Variants in TSC22D1 observed in about 807,000 individuals in gnomAD.
TSC22D1 encodes TSC22 domain family member 1.
Under a neutral mutation model 74.2 loss-of-function variants are expected in TSC22D1, and 9 were observed. That is an observed-to-expected ratio of 0.12 (90% CI 0.07 to 0.21). The LOEUF is 0.21. Ranked by LOEUF, TSC22D1 falls within the 10% of genes least tolerant of loss-of-function variation. The probability of loss-of-function intolerance (pLI) is 1.00; values close to 1 mark genes in which losing one functional copy is unlikely to be tolerated. For synonymous variants in TSC22D1, 586 were observed against 492.5 expected (o/e 1.19, Z -2.51); for missense variants, 1,427 against 1,304.7 (o/e 1.09, Z -1.44).
chr13:44,555,118 TAA>T (rs58167299), intron 1 of TSC22D1, among the ~76,000 whole-genome samples: 18 of 138,660 alleles, frequency 1.3e-4, no homozygotes, highest in Admixed American at 2.8e-4. Flanking sequence ...ACCTCTAAAT[TAA>T]AAAAAAAAAA....
At chr13:44,571,910 C>A (rs1883792705) in intron 1 of TSC22D1, among the ~76,000 whole-genome samples, 1 of 152,070 alleles carries the variant, frequency 6.6e-6, no homozygotes, top group Non-Finnish European at 1.5e-5. Flanking sequence ...CTAAATAACA[C>A]AAACCTCACT....
At chr13:44,473,218 G>A (rs772481028) in intron 1 of TSC22D1, among the ~76,000 whole-genome samples, 6 of 152,210 alleles carry the variant, frequency 3.9e-5, no homozygotes, top group Non-Finnish European at 8.8e-5. Flanking sequence ...CTGGAGGCCA[G>A]GCACAACGGC....
At chr13:44,548,251 G>C (rs1299649213) in intron 1 of TSC22D1, among the ~76,000 whole-genome samples, 5 of 152,112 alleles carry the variant, frequency 3.3e-5, no homozygotes, top group Non-Finnish European at 5.9e-5. Context: ...GCGCGGTGGC[G>C]CATGCCTGTA....
intron 1 of TSC22D1, among the ~76,000 whole-genome samples, chr13:44,557,124 C>T (rs1007532073): frequency 2.8e-5 from 4 of 141,014 alleles, no homozygotes; most frequent in Middle Eastern, 4.0e-3. Flanking sequence ...GCCTGGGCAA[C>T]AAGGTAGAAA....
chr13:44,465,854 C>T (rs1595098064), intron 1 of TSC22D1, among the ~76,000 whole-genome samples: 1 of 152,034 alleles, frequency 6.6e-6, no homozygotes, highest in Non-Finnish European at 1.5e-5. Context: ...GCACCTGTAA[C>T]CCCAGCCACT....
intron 2 of TSC22D1, 40 bp from the exon 3 acceptor site, chr13:44,434,923 A>G (rs368817336): frequency 6.5e-7 from 1 of 1,537,332 alleles, no homozygotes; most frequent in African/African-American, 1.4e-5. Flanking sequence ...ATTATTTGGT[A>G]TTTTCTGGAC....
chr13:44,495,828 C>T (rs1245905892), intron 1 of TSC22D1, among the ~76,000 whole-genome samples: 1 of 152,120 alleles, frequency 6.6e-6, no homozygotes, highest in Non-Finnish European at 1.5e-5. Context: ...AGTTGGACAC[C>T]TTAACATATA....
At chr13:44,436,448 A>T (rs1874637957) in intron 1 of TSC22D1, 8 of 1,580,728 alleles carry the variant, frequency 5.1e-6, no homozygotes, top group Non-Finnish European at 1.7e-6. Flanking sequence ...TTTCACCTGT[A>T]TTATTATAAG....
At chr13:44,470,720 A>C (rs2137906320) in intron 1 of TSC22D1, among the ~76,000 whole-genome samples, 1 of 152,278 alleles carries the variant, frequency 6.6e-6, no homozygotes, top group Middle Eastern at 3.4e-3. Flanking sequence ...TTGCTATTTA[A>C]TTTTGCAGGA....
intron 1 of TSC22D1, among the ~76,000 whole-genome samples, chr13:44,516,083 T>C (rs1056313993): frequency 7.9e-5 from 12 of 152,198 alleles, no homozygotes; most frequent in Admixed American, 6.5e-4. Flanking sequence ...TGGGGTTGAT[T>C]TTAATAAAAA....
At chr13:44,473,682 T>C (rs1336423792) in intron 1 of TSC22D1, among the ~76,000 whole-genome samples, 2 of 152,108 alleles carry the variant, frequency 1.3e-5, no homozygotes, top group Admixed American at 1.3e-4. Context: ...GCCAGCTTTA[T>C]TAAGCATTCA....
intron 1 of TSC22D1, among the ~76,000 whole-genome samples, chr13:44,548,285 G>A (rs1881962047): frequency 1.3e-5 from 2 of 152,228 alleles, no homozygotes; most frequent in African/African-American, 2.4e-5. Flanking sequence ...GGGAGGCTGA[G>A]GCAGGCCGAT....
chr13:44,496,238 T>C (rs556988447), intron 1 of TSC22D1, among the ~76,000 whole-genome samples: 1 of 152,126 alleles, frequency 6.6e-6, no homozygotes. Flanking sequence ...TCACTAGCCA[T>C]TAGGGAAATG....
rs955816484 is a variant in TSC22D1, at chr13:44,574,189, T to C, written c.1886A>G (p.Tyr629Cys). Reference protein sequence around the residue: ...PGAPPPQQLQYGQQQPMVSTQ... With the variant: ...PGAPPPQQLQCGQQQPMVSTQ... Reference sequence around the variant, plus strand: ...AGAAACCATTGGTTGCTGTTGTCCATACTGTAACTGTTGGGGTGGTGGTGC... The same window carrying C: ...AGAAACCATTGGTTGCTGTTGTCCACACTGTAACTGTTGGGGTGGTGGTGC... The change falls in exon 1 of 3, where the codon TAT becomes TGT. Residue 629 changes from tyrosine to cysteine, a missense_variant. Physicochemically the swap from Tyr to Cys is radical, Grantham distance 194 (BLOSUM62 -2). Coordinates refer to ENST00000458659, the MANE Select transcript of TSC22D1 (RefSeq NM_183422.4). The C allele has an allele frequency of 2.5e-5, 41 of 1,614,038 alleles. No homozygotes were observed. The highest frequency in any genetic ancestry group is 4.0e-5 in the African/African-American group (3 of 74,908).
rs979179103 is a variant in TSC22D1, at chr13:44,482,472, G to A, written c.2913-46377C>T. Among the ~76,000 whole-genome samples, 21 of 152,182 alleles carry A rather than the reference G, an allele frequency of 1.4e-4. 1 individual carries two copies. The highest frequency in any genetic ancestry group is 1.4e-3 in the Admixed American group (21 of 15,286). ...GAGGATCGCTTGAACCTGGGAGGCA[G>A]GGGCTGCAGTGAGCCGAGATCACGC... On this transcript the variant is annotated intron_variant, in intron 1 of 2. Transcript: ENST00000458659.
chr13:44,434,170 T>C lies in TSC22D1; in HGVS notation c.*456A>G. Reference sequence around the variant, plus strand: ...ACTCTGTTCCCCCTCATTTTAGTCTTTTTACCCTCCTTTCAAGTTCCTCCT... The same window carrying C: ...ACTCTGTTCCCCCTCATTTTAGTCTCTTTACCCTCCTTTCAAGTTCCTCCT... On this transcript the variant is annotated 3_prime_UTR_variant, in exon 3 of 3. Transcript: ENST00000458659. The C allele has an allele frequency of 6.8e-7, 1 of 1,474,152 alleles. No individual in the cohort carries two copies. Among genetic ancestry groups the C allele is most frequent in the East Asian group, 2.6e-5 (1 of 38,204 alleles). 91.3% of individuals were successfully genotyped at this position (1,474,152 alleles called of 1,614,324 possible). A position where few individuals can be genotyped will look rare whatever the true frequency, so the allele number is the denominator to read the frequency against.
intron 1 of TSC22D1, among the ~76,000 whole-genome samples, chr13:44,511,792 A>T (rs1366123103): frequency 6.6e-6 from 1 of 151,184 alleles, no homozygotes; most frequent in East Asian, 2.0e-4. Flanking sequence ...AAGTAGTAGA[A>T]ATGGATTCAT....
intron 1 of TSC22D1, among the ~76,000 whole-genome samples, chr13:44,565,142 T>C (rs753170290): frequency 6.6e-6 from 1 of 152,126 alleles, no homozygotes; most frequent in Non-Finnish European, 1.5e-5. Context: ...TCTGGACTAG[T>C]GATAGGCTTT....
intron 1 of TSC22D1, 98 bp downstream of exon 1, chr13:44,573,065 T>A: frequency 6.8e-7 from 1 of 1,461,092 alleles, no homozygotes; most frequent in Non-Finnish European, 9.1e-7. Flanking sequence ...CAAAACACAA[T>A]ATACAATGTT....
Sources: gnomAD v4.1 joint callset for allele counts (sites outside exome capture counted in the v4.1 genomes callset) on GRCh38, gnomAD v4.1.1 for gene constraint, MANE v1.5 for transcripts, NCBI Gene and HGNC (gene_info 2026-07-23, HGNC 2026-07-21) for gene names.